EFCAB6: variants seen among roughly 807,000 people sequenced by gnomAD.
EFCAB6 encodes EF-hand calcium binding domain 6.
A neutral mutation model predicts 169.8 loss-of-function variants in EFCAB6; 156 were observed. The ratio of observed to expected loss-of-function variants is 0.92; its 90% CI spans 0.81 to 1.05. EFCAB6 has a LOEUF of 1.05. Ranked by LOEUF, EFCAB6 falls within the 50% of genes least tolerant of loss-of-function variation. EFCAB6 has a pLI of 0.00. For synonymous variants in EFCAB6, 698 were observed against 676.4 expected, an observed-to-expected ratio of 1.03 and a Z score of -0.50; for missense variants, 1,800 against 1,829.1, an observed-to-expected ratio of 0.98 and a Z score of 0.29.
intron 13 of EFCAB6, among the ~76,000 whole-genome samples, chr22:43,674,689 T>A (rs906800011): frequency 2.6e-5 from 4 of 152,212 alleles, no homozygotes; most frequent in African/African-American, 9.6e-5. Flanking sequence ...GTTTTGTTTT[T>A]AAAGAAAACG....
chr22:43,632,666 A>G (rs1039686188), intron 18 of EFCAB6, among the ~76,000 whole-genome samples: 3 of 152,094 alleles, frequency 2.0e-5, no homozygotes, highest in African/African-American at 7.2e-5. Flanking sequence ...AATCCCATAC[A>G]GTACCCTCCT....
At chr22:43,665,686 T>C (rs1043106283) in intron 17 of EFCAB6, among the ~76,000 whole-genome samples, 7 of 152,222 alleles carry the variant, frequency 4.6e-5, no homozygotes, top group East Asian at 3.8e-4. Flanking sequence ...ACTCACTCCA[T>C]TGAAACTGCT....
At chr22:43,614,191 A>AAAAAAAAAAAAAAAAAAAAAAAAAAT (rs2053528499) in intron 21 of EFCAB6, among the ~76,000 whole-genome samples, 1 of 150,768 alleles carries the variant, frequency 6.6e-6, no homozygotes, top group African/African-American at 2.4e-5. Context: ...AAAAAAAAAA[A>AAAAAAAAAAAAAAAAAAAAAAAAAAT]AAGAACAAAC....
intron 13 of EFCAB6, among the ~76,000 whole-genome samples, chr22:43,676,971 T>C (rs374603128): frequency 1.3e-5 from 2 of 152,194 alleles, no homozygotes; most frequent in East Asian, 3.8e-4. Flanking sequence ...AGGGAAATAG[T>C]GCATCTCGTG....
intron 10 of EFCAB6, among the ~76,000 whole-genome samples, chr22:43,702,050 G>C (rs922615103): frequency 6.6e-6 from 1 of 152,134 alleles, no homozygotes; most frequent in Non-Finnish European, 1.5e-5. Flanking sequence ...CAGTGCCCAG[G>C]TACATGGGAA....
intron 10 of EFCAB6, among the ~76,000 whole-genome samples, chr22:43,704,695 T>C (rs2058891224): frequency 6.6e-6 from 1 of 152,138 alleles, no homozygotes; most frequent in Non-Finnish European, 1.5e-5. Flanking sequence ...TAAAGTGGAC[T>C]ATGTAAGTAT....
chr22:43,627,398 T>C (rs1201170272), intron 19 of EFCAB6, among the ~76,000 whole-genome samples: 1 of 152,234 alleles, frequency 6.6e-6, no homozygotes, highest in Non-Finnish European at 1.5e-5. Context: ...ATGGGTGAGA[T>C]AACCTTGTGA....
rs903226667 is a variant in EFCAB6, at chr22:43,632,292, T to G, written c.2099-54A>C. 7.7e-6 allele frequency: 11 copies of G among 1,437,586 alleles called. No individual in the cohort carries two copies. The East Asian group carries it at 2.4e-4, about 31-fold the overall frequency. The allele number at this position is 1,437,586 out of a possible 1,614,324, so 89.1% of individuals were successfully genotyped here. On this transcript the variant is annotated intron_variant, in intron 18 of 31. Transcript: ENST00000262726. ...CATTAGTGCCCATCAGCTTCATTCCTTCTTTTTTTTTTTTTTTTTTTTTTG... is the reference window on the plus strand; with the variant it reads ...CATTAGTGCCCATCAGCTTCATTCCGTCTTTTTTTTTTTTTTTTTTTTTTG...
chr22:43,645,841 C>T (rs957072185), intron 17 of EFCAB6, among the ~76,000 whole-genome samples: 1 of 140,356 alleles, frequency 7.1e-6, no homozygotes, highest in Admixed American at 7.0e-5. Context: ...ATAAAGTGGA[C>T]ATTTTAAAAC....
At chr22:43,709,078 G>A (rs187877212) in intron 10 of EFCAB6, among the ~76,000 whole-genome samples, 11 of 152,106 alleles carry the variant, frequency 7.2e-5, no homozygotes, top group Admixed American at 6.5e-4. Flanking sequence ...GGGACAATTT[G>A]TTATTTATTT....
Position 43,784,149 on chromosome 22 carries a change from C to T in EFCAB6, c.-7-1824G>A, listed in dbSNP as rs188412493. 4.3e-4 allele frequency among the ~76,000 whole-genome samples: 66 copies of T among 152,138 alleles called. 1 individual carries two copies. The Middle Eastern group carries it at 0.02, about 47-fold the overall frequency. On this transcript the variant is annotated intron_variant, in intron 2 of 31. Coordinates refer to ENST00000262726, the MANE Select transcript of EFCAB6 (RefSeq NM_022785.4). ...AAGAAACAAGGAAGTGTGGTCCATA[C>T]TTATTTTCAGAAACTATGCAAGAAA...
chr22:43,683,189 G>C (rs956234225), intron 12 of EFCAB6, among the ~76,000 whole-genome samples: 1 of 152,154 alleles, frequency 6.6e-6, no homozygotes, highest in African/African-American at 2.4e-5. Context: ...ATGTTGCTGC[G>C]TATCAAAAGG....
In EFCAB6 at chr22:43,744,122, TATGG is replaced by T. The variant is rs976546082; in HGVS notation, c.508-8133_508-8130del. ...TGAATGAATGAATGAATGGATGGGT[TATGG>T]ATGGATGGATGGGTAGATGGATGGA... On this transcript the variant is annotated intron_variant, in intron 6 of 31. Coordinates refer to ENST00000262726, the MANE Select transcript of EFCAB6 (RefSeq NM_022785.4). This position sits in a 1 kb window ranked among gnomAD's most constrained non-coding sequence, Gnocchi z 4.3. 2.0e-5 allele frequency among the ~76,000 whole-genome samples: 3 copies of T among 147,256 alleles called. No homozygotes were observed. The highest frequency in any genetic ancestry group is 5.1e-5 in the African/African-American group (2 of 39,558).
Position 43,711,465 on chromosome 22 carries a change from A to C in EFCAB6, c.1031+10T>G. ...GGAAAAAAATGTCAAGGAAACAATG[A>C]GACTCTTACCTTTTCATTAACTGGA... On this transcript the variant is annotated intron_variant, in intron 10 of 31. Transcript: ENST00000262726. The C allele has an allele frequency of 1.3e-6, 2 of 1,555,990 alleles. No homozygotes were observed. The highest frequency in any genetic ancestry group is 1.7e-6 in the Non-Finnish European group (2 of 1,157,002).
At chr22:43,642,267 G>A (rs187862504) in intron 17 of EFCAB6, among the ~76,000 whole-genome samples, 172 of 152,206 alleles carry the variant, frequency 1.1e-3, no homozygotes, top group Non-Finnish European at 1.5e-3. Flanking sequence ...CCATCCCTCC[G>A]TGCCTGGAAA....
At chr22:43,543,186 C>G (rs367988109) in intron 27 of EFCAB6, among the ~76,000 whole-genome samples, 43 of 152,330 alleles carry the variant, frequency 2.8e-4, no homozygotes, top group African/African-American at 1.0e-3. Context: ...GCCACCAGCT[C>G]TCACCCCTGG....
intron 22 of EFCAB6, among the ~76,000 whole-genome samples, chr22:43,603,436 C>T (rs966684247): frequency 2.3e-4 from 35 of 152,192 alleles, no homozygotes; most frequent in African/African-American, 6.5e-4. Flanking sequence ...ACAGAGGACC[C>T]GTAAAAACTC....
At chr22:43,557,674 T>C (rs190936348) in intron 26 of EFCAB6, among the ~76,000 whole-genome samples, 5 of 152,240 alleles carry the variant, frequency 3.3e-5, no homozygotes, top group Admixed American at 2.6e-4. Flanking sequence ...AATTATTGTA[T>C]ATTACACAAA....
At chr22:43,751,441 G>T (rs113763601) in intron 6 of EFCAB6, among the ~76,000 whole-genome samples, 2,890 of 152,278 alleles carry the variant, frequency 0.019, 95 homozygotes, top group African/African-American at 0.066. Context: ...GCAACACACT[G>T]CATCTTTGTT....
Sources: allele counts gnomAD v4.1 joint callset (sites outside exome capture counted in the v4.1 genomes callset), GRCh38; gene constraint gnomAD v4.1.1; non-coding constraint Gnocchi (gnomAD v3.1); transcripts MANE v1.5; gene names NCBI Gene and HGNC (gene_info 2026-07-23, HGNC 2026-07-21).